DIAPH3: variants seen among roughly 807,000 people sequenced by gnomAD.
The protein encoded by DIAPH3 is diaphanous related formin 3.
A neutral mutation model predicts 144.3 loss-of-function variants in DIAPH3; 117 were observed. The observed-to-expected ratio is 0.81, with a 90% CI of 0.70 to 0.95. DIAPH3 has a LOEUF of 0.95. Among genes scored for constraint, DIAPH3 ranks in the 40% least tolerant of loss-of-function variants. DIAPH3 has a pLI of 0.00. For missense variants in DIAPH3, 1,421 were observed against 1,412.7 expected, an observed-to-expected ratio of 1.01 and a Z score of -0.09; for synonymous variants, 519 against 488.9, an observed-to-expected ratio of 1.06 and a Z score of -0.81.
chr13:60,000,376 G>A (rs2052449594), intron 9 of DIAPH3, among the ~76,000 whole-genome samples: 1 of 151,634 alleles, frequency 6.6e-6, no homozygotes, highest in Non-Finnish European at 1.5e-5. Flanking sequence ...TCTCAAAGAT[G>A]GTTAAAATGG....
chr13:59,749,519 C>CA (rs60918644), intron 27 of DIAPH3, among the ~76,000 whole-genome samples: 19,582 of 50,726 alleles, frequency 0.39, 3,999 homozygotes, highest in African/African-American at 0.47. Context: ...GACTCCATCT[C>CA]AAAAAAAAAA....
chr13:60,029,190 T>A (rs2054607068), intron 5 of DIAPH3, among the ~76,000 whole-genome samples: 1 of 151,442 alleles, frequency 6.6e-6, no homozygotes. Context: ...TCTCGATTCC[T>A]CCTTTTCATT....
At chr13:60,105,120 A>AAAAAAAT (rs1239588456) in intron 3 of DIAPH3, among the ~76,000 whole-genome samples, 1 of 148,142 alleles carries the variant, frequency 6.8e-6, no homozygotes, top group Non-Finnish European at 1.5e-5. Flanking sequence ...AAAAAAAAAA[A>AAAAAAAT]AAAAACTGCC....
At chr13:59,852,958 T>C (rs185672417) in intron 22 of DIAPH3, among the ~76,000 whole-genome samples, 38 of 152,346 alleles carry the variant, frequency 2.5e-4, no homozygotes, top group Middle Eastern at 3.4e-3. Context: ...AGAATATTTA[T>C]ATAATGATTA....
intron 27 of DIAPH3, among the ~76,000 whole-genome samples, chr13:59,721,493 A>C (rs941108911): frequency 6.6e-6 from 1 of 152,080 alleles, no homozygotes; most frequent in Non-Finnish European, 1.5e-5. Flanking sequence ...TGTTTTTTTT[A>C]AAGTTATTTG....
chr13:59,969,943 C>G lies in DIAPH3; in HGVS notation c.2074+1G>C, dbSNP rs761258218. ...ATAAATAATCAAGATGTTAAACTTA[C>G]CTTTTTGTTGGCAACAAAATGTATT... is the stretch of plus-strand genomic sequence containing the variant. On this transcript the variant is annotated splice_donor_variant, in intron 17 of 27. Coordinates refer to ENST00000400324, the MANE Select transcript of DIAPH3 (RefSeq NM_001042517.2). LOFTEE classifies it high-confidence loss of function. 6.3e-7 allele frequency: 1 copy of G among 1,576,048 alleles called. No individual in the cohort carries two copies. The highest frequency in any genetic ancestry group is 8.7e-7 in the Non-Finnish European group (1 of 1,150,102).
chr13:60,126,813 A>G (rs1422079804), intron 2 of DIAPH3, among the ~76,000 whole-genome samples: 1 of 152,178 alleles, frequency 6.6e-6, no homozygotes, highest in African/African-American at 2.4e-5. Flanking sequence ...TGGGTCAAAG[A>G]AAATAAGAAA....
chr13:59,850,689 G>T (rs76929441), intron 22 of DIAPH3, among the ~76,000 whole-genome samples: 1 of 151,976 alleles, frequency 6.6e-6, no homozygotes, highest in Non-Finnish European at 1.5e-5. Flanking sequence ...CATGATAAAG[G>T]GGATATCACC....
intron 5 of DIAPH3, among the ~76,000 whole-genome samples, chr13:60,028,316 C>G (rs2054528773): frequency 6.6e-6 from 1 of 152,090 alleles, no homozygotes; most frequent in South Asian, 2.1e-4. Flanking sequence ...CACCAAGACT[C>G]CAAAAAAATC....
At chr13:59,748,528 T>C (rs2009782) in intron 27 of DIAPH3, among the ~76,000 whole-genome samples, 64,269 of 152,098 alleles carry the variant, frequency 0.42, 14,653 homozygotes, top group African/African-American at 0.6. Flanking sequence ...TTGATCCATT[T>C]GTTTAAAATT....
intron 27 of DIAPH3, among the ~76,000 whole-genome samples, chr13:59,739,595 A>G (rs538796500): frequency 6.6e-6 from 1 of 152,298 alleles, no homozygotes; most frequent in East Asian, 1.9e-4. Context: ...TTATTTAGTA[A>G]CCACAGACAT....
intron 17 of DIAPH3, among the ~76,000 whole-genome samples, chr13:59,939,868 GTGTA>G (rs2048441726): frequency 7.2e-6 from 1 of 139,390 alleles, no homozygotes; most frequent in African/African-American, 2.6e-5. Context: ...GTGTGTGTGT[GTGTA>G]TCACTAAGGA....
intron 22 of DIAPH3, among the ~76,000 whole-genome samples, chr13:59,842,208 A>ATATATGTATT (rs1403215451): frequency 2.1e-4 from 32 of 151,904 alleles, no homozygotes; most frequent in Admixed American, 2.0e-3. Flanking sequence ...ATAACTTTTT[A>ATATATGTATT]TATATGTATT....
At chr13:59,763,562 T>G (rs938495231) in intron 27 of DIAPH3, among the ~76,000 whole-genome samples, 4 of 152,088 alleles carry the variant, frequency 2.6e-5, no homozygotes, top group Non-Finnish European at 5.9e-5. Flanking sequence ...TACGTGCCTG[T>G]AGTCCCAGCT....
chr13:59,803,570 A>AAAAG (rs1187797885), intron 25 of DIAPH3, among the ~76,000 whole-genome samples: 1 of 152,210 alleles, frequency 6.6e-6, no homozygotes, highest in Non-Finnish European at 1.5e-5. Context: ...AGAAAGTTTA[A>AAAAG]AAAGAAAGAA....
intron 27 of DIAPH3, among the ~76,000 whole-genome samples, chr13:59,721,276 C>T (rs1025342724): frequency 2.0e-5 from 3 of 152,032 alleles, no homozygotes; most frequent in Admixed American, 6.6e-5. Flanking sequence ...GGCTTTTTAC[C>T]GAGCAAATGC....
At chr13:60,148,951 G>C (rs191609650) in intron 1 of DIAPH3, among the ~76,000 whole-genome samples, 2 of 152,278 alleles carry the variant, frequency 1.3e-5, no homozygotes, top group Admixed American at 1.3e-4. Context: ...GCATCTACCC[G>C]TGTGCTATGC....
intron 17 of DIAPH3, among the ~76,000 whole-genome samples, chr13:59,959,994 C>A (rs901434125): frequency 3.3e-5 from 5 of 152,150 alleles, no homozygotes; most frequent in African/African-American, 1.2e-4. Context: ...TCTAGGACCA[C>A]CAACCACCAG....
chr13:59,905,260 G>A (rs929726564), intron 20 of DIAPH3, among the ~76,000 whole-genome samples: 2 of 149,182 alleles, frequency 1.3e-5, no homozygotes, highest in African/African-American at 2.5e-5. Context: ...GGAGAATGGC[G>A]TGAACCCGGG....
Sources: gnomAD v4.1 joint callset for allele counts (sites outside exome capture counted in the v4.1 genomes callset) on GRCh38, gnomAD v4.1.1 for gene constraint, MANE v1.5 for transcripts, NCBI Gene and HGNC (gene_info 2026-07-23, HGNC 2026-07-21) for gene names.